The following SLC35D4 variants were observed in gnomAD, a reference collection of about 807,000 sequenced individuals.
SLC35D4 encodes the protein UDP-N-acetylglucosamine transporter SLC35D4.
chr18:23,424,407 G>A, the SLC35D4 span, among the ~76,000 whole-genome samples: 2 of 152,176 alleles, frequency 1.3e-5, no homozygotes, highest in Non-Finnish European at 2.9e-5. Context: ...CAGACACCAA[G>A]CATTGTTCTA....
At chr18:23,356,238 C>T in the SLC35D4 span, among the ~76,000 whole-genome samples, 9 of 152,206 alleles carry the variant, frequency 5.9e-5, no homozygotes, top group African/African-American at 2.2e-4. The surrounding 1 kb of genome is among the most constrained non-coding windows in gnomAD (Gnocchi z 4.1). Context: ...GAACCCAAAT[C>T]TTCCCTTGAA....
the SLC35D4 span, among the ~76,000 whole-genome samples, chr18:23,289,513 C>T: frequency 1.2e-4 from 18 of 152,332 alleles, no homozygotes; most frequent in South Asian, 2.9e-3. Context: ...TAGGTTCCCA[C>T]GCCATCCCTA....
chr18:23,248,139 A>AGCTGT, the SLC35D4 span, among the ~76,000 whole-genome samples: 1 of 152,194 alleles, frequency 6.6e-6, no homozygotes, highest in African/African-American at 2.4e-5. Flanking sequence ...GGCTGAGCTG[A>AGCTGT]GCTGTTGGCT....
At chr18:23,286,707 C>T in the SLC35D4 span, among the ~76,000 whole-genome samples, 64,541 of 148,008 alleles carry the variant, frequency 0.44, 13,187 homozygotes, top group Admixed American at 0.53. Flanking sequence ...TAGGTATTGA[C>T]GGCCAGGCTT....
the SLC35D4 span, among the ~76,000 whole-genome samples, chr18:23,387,456 T>C: frequency 6.6e-6 from 1 of 152,180 alleles, no homozygotes; most frequent in East Asian, 1.9e-4. Flanking sequence ...TCAGCAGCAC[T>C]GCACAAAGGG....
chr18:23,401,045 A>G, the SLC35D4 span, among the ~76,000 whole-genome samples: 1 of 152,278 alleles, frequency 6.6e-6, no homozygotes, highest in Non-Finnish European at 1.5e-5. Flanking sequence ...TTTTTCTTTT[A>G]TATGTTTTAA....
the SLC35D4 span, among the ~76,000 whole-genome samples, chr18:23,307,747 T>C: frequency 3.3e-5 from 5 of 152,208 alleles, no homozygotes; most frequent in East Asian, 1.9e-4. Context: ...CTGAGGGCTA[T>C]GGGGCAGGGC....
chr18:23,421,823 C>T, the SLC35D4 span, among the ~76,000 whole-genome samples: 18,789 of 151,882 alleles, frequency 0.12, 1,278 homozygotes, highest in Middle Eastern at 0.2. Context: ...ATTACAGGTG[C>T]GTGCCACCAT....
At chr18:23,272,308 G>A in the SLC35D4 span, among the ~76,000 whole-genome samples, 4,289 of 152,106 alleles carry the variant, frequency 0.028, 209 homozygotes, top group African/African-American at 0.099. Context: ...ATTCCTTGTC[G>A]GTCTCTTCCA....
chr18:23,375,586 T>C, the SLC35D4 span, among the ~76,000 whole-genome samples: 3 of 152,206 alleles, frequency 2.0e-5, no homozygotes, highest in East Asian at 5.8e-4. Flanking sequence ...ATTAGAAAAA[T>C]CTCTTATACA....
At chr18:23,298,101 C>A in the SLC35D4 span, 1 of 1,612,338 alleles carries the variant, frequency 6.2e-7, no homozygotes, top group South Asian at 1.1e-5. Context: ...GCTCTCCACT[C>A]CCCCGGGACC....
the SLC35D4 span, among the ~76,000 whole-genome samples, chr18:23,365,100 GT>G: frequency 6.6e-6 from 1 of 152,042 alleles, no homozygotes; most frequent in Non-Finnish European, 1.5e-5. Flanking sequence ...TTACCTGCTA[GT>G]ATTTTATTTG....
At chr18:23,284,087 T>C in the SLC35D4 span, among the ~76,000 whole-genome samples, 2 of 152,202 alleles carry the variant, frequency 1.3e-5, no homozygotes, top group African/African-American at 4.8e-5. Context: ...TAATGTATTA[T>C]AATTAGAGTA....
the SLC35D4 span, among the ~76,000 whole-genome samples, chr18:23,382,164 C>CGG: frequency 6.8e-6 from 1 of 146,510 alleles, no homozygotes; most frequent in African/African-American, 2.5e-5. Context: ...CGCTTGAACC[C>CGG]GGGCAGCGTA....
At chr18:23,404,283 T>C in the SLC35D4 span, among the ~76,000 whole-genome samples, 1 of 152,204 alleles carries the variant, frequency 6.6e-6, no homozygotes, top group Non-Finnish European at 1.5e-5. Flanking sequence ...TATGTTGAAG[T>C]CCTAACCTCC....
the SLC35D4 span, chr18:23,399,494 G>A: frequency 2.9e-5 from 39 of 1,335,698 alleles, no homozygotes; most frequent in Non-Finnish European, 4.2e-5. Context: ...TTATTGAGCT[G>A]AGGCATGATA....
At chr18:23,351,679 C>G in the SLC35D4 span, among the ~76,000 whole-genome samples, 1 of 152,168 alleles carries the variant, frequency 6.6e-6, no homozygotes, top group Non-Finnish European at 1.5e-5. Context: ...AACGTGCCAA[C>G]AGAAGTTGGC....
At chr18:23,423,073 C>T in the SLC35D4 span, among the ~76,000 whole-genome samples, 1 of 152,128 alleles carries the variant, frequency 6.6e-6, no homozygotes, top group Non-Finnish European at 1.5e-5. Flanking sequence ...GGGACTTGCA[C>T]CCGCCCCTCT....
chr18:23,407,579 A>T, the SLC35D4 span, among the ~76,000 whole-genome samples: 485 of 151,096 alleles, frequency 3.2e-3, 4 homozygotes, highest in African/African-American at 0.011. Flanking sequence ...TCTTTATCTC[A>T]CACACACACA....
Sources: allele counts gnomAD v4.1 joint callset (sites outside exome capture counted in the v4.1 genomes callset), GRCh38; gene constraint gnomAD v4.1.1; non-coding constraint Gnocchi (gnomAD v3.1); transcripts MANE v1.5; gene names NCBI Gene and HGNC (gene_info 2026-07-23, HGNC 2026-07-21).